The following ITPR1 variants were observed in gnomAD, a reference collection of about 807,000 sequenced individuals.
ITPR1 encodes inositol 1,4,5-trisphosphate receptor type 1.
In ITPR1, 96 loss-of-function variants were observed where a neutral mutation model predicts 318.4. The observed-to-expected ratio is 0.30, with a 90% CI of 0.26 to 0.36. ITPR1 has a LOEUF of 0.36. Among genes scored for constraint, ITPR1 ranks in the 10% least tolerant of loss-of-function variants. The probability of loss-of-function intolerance (pLI) is 1.00; values close to 1 mark genes in which losing one functional copy is unlikely to be tolerated. For synonymous variants in ITPR1, 1,312 were observed against 1,289.9 expected (o/e 1.02, Z -0.37); for missense variants, 2,440 against 3,460.2 (o/e 0.71, Z 7.40).
intron 61 of ITPR1, among the ~76,000 whole-genome samples, chr3:4,843,398 T>G (rs1224610161): frequency 6.6e-6 from 1 of 152,234 alleles, no homozygotes; most frequent in Non-Finnish European, 1.5e-5. Context: ...TTGTCCGATT[T>G]TGGAGATTAT....
chr3:4,499,634 C>G (rs304064), intron 2 of ITPR1, among the ~76,000 whole-genome samples: 19,077 of 152,128 alleles, frequency 0.13, 1,340 homozygotes, highest in African/African-American at 0.2. Context: ...CTCTACAGAT[C>G]TTTTTTCCAT....
At chr3:4,799,640 G>GT (rs553728305) in intron 53 of ITPR1, among the ~76,000 whole-genome samples, 88 of 147,062 alleles carry the variant, frequency 6.0e-4, no homozygotes, top group Middle Eastern at 7.1e-3. Context: ...AAATAGGGGT[G>GT]TTTTTTTTTT....
chr3:4,796,234 C>T (rs945659667), intron 53 of ITPR1, among the ~76,000 whole-genome samples: 2 of 151,944 alleles, frequency 1.3e-5, no homozygotes, highest in South Asian at 2.1e-4. Flanking sequence ...CCTTAAGTTA[C>T]GTGGAAGGCA....
At chr3:4,532,521 T>C (rs377430069) in intron 4 of ITPR1, among the ~76,000 whole-genome samples, 1 of 152,194 alleles carries the variant, frequency 6.6e-6, no homozygotes, top group Non-Finnish European at 1.5e-5. Flanking sequence ...CAGGCGTGTG[T>C]CACCACACCC....
Position 4,720,801 on chromosome 3 carries a change from G to GA in ITPR1, c.5136+3402_5136+3403insA, listed in dbSNP as rs201389804. ...GCCATTGTAAAATTCGAGGTAGAGG[G>GA]GGAAACAGGAGAAACAAAGAGTGAT... On this transcript the variant is annotated intron_variant, in intron 40 of 61. Transcript: ENST00000649015. 5.9e-3 allele frequency among the ~76,000 whole-genome samples: 898 copies of GA among 152,102 alleles called. 6 individuals are homozygous for GA. The highest frequency in any genetic ancestry group is 0.014 in the Middle Eastern group (4 of 294).
At chr3:4,804,653 G>A (rs1013530822) in intron 54 of ITPR1, among the ~76,000 whole-genome samples, 8 of 152,114 alleles carry the variant, frequency 5.3e-5, no homozygotes, top group Non-Finnish European at 1.0e-4. Flanking sequence ...GTCACCCAGG[G>A]CACCATCTGC....
intron 55 of ITPR1, among the ~76,000 whole-genome samples, chr3:4,809,066 C>T (rs2048771130): frequency 6.6e-6 from 1 of 152,172 alleles, no homozygotes; most frequent in Admixed American, 6.5e-5. Context: ...ACAGCGCAAT[C>T]CTGTGTTTTA....
At chr3:4,694,876 C>T (rs1054331786) in intron 33 of ITPR1, among the ~76,000 whole-genome samples, 1 of 152,116 alleles carries the variant, frequency 6.6e-6, no homozygotes, top group Admixed American at 6.5e-5. Flanking sequence ...TCTGTTTTCC[C>T]ACCACCCTAC....
At chr3:4,588,113 A>AC (rs1477180920) in intron 4 of ITPR1, among the ~76,000 whole-genome samples, 3 of 152,132 alleles carry the variant, frequency 2.0e-5, no homozygotes, top group Non-Finnish European at 4.4e-5. Context: ...CCCCTTAAGC[A>AC]CCCCCACTGA....
intron 6 of ITPR1, among the ~76,000 whole-genome samples, chr3:4,641,667 C>T (rs759999360): frequency 2.0e-5 from 3 of 152,238 alleles, no homozygotes; most frequent in Non-Finnish European, 2.9e-5. Flanking sequence ...TGAGCCACTT[C>T]GCCTGGCCCT....
chr3:4,831,547 C>T (rs1293564579), intron 60 of ITPR1, among the ~76,000 whole-genome samples: 1 of 152,250 alleles, frequency 6.6e-6, no homozygotes. Flanking sequence ...GTAATCCTCT[C>T]CCCACCTTCC....
At chr3:4,604,957 A>T (rs1297929840) in intron 4 of ITPR1, among the ~76,000 whole-genome samples, 1 of 152,060 alleles carries the variant, frequency 6.6e-6, no homozygotes, top group East Asian at 1.9e-4. Context: ...ACAAGCCCCA[A>T]ATGAGTAGCA....
At chr3:4,812,133 C>T (rs917695696) in intron 56 of ITPR1, among the ~76,000 whole-genome samples, 4 of 151,680 alleles carry the variant, frequency 2.6e-5, no homozygotes, top group South Asian at 2.1e-4. Context: ...TCCAACCTCC[C>T]GAGCTCAAGC....
chr3:4,588,701 A>G (rs139805787), intron 4 of ITPR1, among the ~76,000 whole-genome samples: 1 of 152,148 alleles, frequency 6.6e-6, no homozygotes, highest in African/African-American at 2.4e-5. Context: ...CCAACTTTCT[A>G]AGTGACACTT....
intron 18 of ITPR1, 96 bp from the exon 19 acceptor site, chr3:4,669,558 G>A (rs1315148875): frequency 1.0e-5 from 12 of 1,205,352 alleles, no homozygotes; most frequent in Non-Finnish European, 1.4e-5. Flanking sequence ...TCTTGGTAAA[G>A]GTATGTTGGA....
At chr3:4,704,203 G>A (rs993435957) in intron 36 of ITPR1, among the ~76,000 whole-genome samples, 7 of 152,140 alleles carry the variant, frequency 4.6e-5, no homozygotes, top group South Asian at 2.1e-4. Flanking sequence ...ACCTGAGGTT[G>A]GGAGTTCAAG....
At chr3:4,624,474 G>T (rs1392026635) in intron 4 of ITPR1, among the ~76,000 whole-genome samples, 3 of 151,986 alleles carry the variant, frequency 2.0e-5, no homozygotes, top group African/African-American at 7.2e-5. Context: ...TTCGAGACCA[G>T]CCTGGCCAAC....
chr3:4,753,506 C>G (rs1225938168), intron 44 of ITPR1, among the ~76,000 whole-genome samples: 3 of 152,046 alleles, frequency 2.0e-5, no homozygotes, highest in African/African-American at 7.2e-5. Context: ...ACCTGGTGGG[C>G]CAGCACACAG....
chr3:4,723,520 GA>G (rs2042306438), intron 40 of ITPR1, among the ~76,000 whole-genome samples: 1 of 152,116 alleles, frequency 6.6e-6, no homozygotes, highest in South Asian at 2.1e-4. Context: ...TTTAACAGAG[GA>G]AATAGTGTGT....
Sources: allele counts gnomAD v4.1 joint callset (sites outside exome capture counted in the v4.1 genomes callset), GRCh38; gene constraint gnomAD v4.1.1; transcripts MANE v1.5; gene names NCBI Gene and HGNC (gene_info 2026-07-23, HGNC 2026-07-21).